Variants in DOCK8 observed in about 807,000 individuals in gnomAD.
DOCK8 encodes the protein dedicator of cytokinesis 8.
In DOCK8, 141 loss-of-function variants were observed where a neutral mutation model predicts 245.6. The ratio of observed to expected loss-of-function variants is 0.57; its 90% CI spans 0.50 to 0.66. The LOEUF (loss-of-function observed/expected upper bound fraction) is 0.66, where lower values mean the gene tolerates loss of function less well. Among genes scored for constraint, DOCK8 ranks in the 30% least tolerant of loss-of-function variants. The pLI is 0.00. For missense variants in DOCK8, 2,965 were observed against 2,603.4 expected (o/e 1.14, Z -3.02); for synonymous variants, 1,168 against 970.2 (o/e 1.20, Z -3.79).
intron 14 of DOCK8, among the ~76,000 whole-genome samples, chr9:358,089 C>T (rs1388329006): frequency 1.4e-4 from 21 of 151,926 alleles, no homozygotes; most frequent in Admixed American, 1.4e-3. Context: ...TATTTATTTA[C>T]TTACTTATTT....
At chr9:393,251 G>A (rs2054287555) in intron 24 of DOCK8, among the ~76,000 whole-genome samples, 2 of 152,080 alleles carry the variant, frequency 1.3e-5, no homozygotes, top group African/African-American at 4.8e-5. Flanking sequence ...TCTTTCCAAA[G>A]GAAGTTTGCA....
chr9:344,137 C>T (rs916009246), intron 14 of DOCK8, among the ~76,000 whole-genome samples: 1 of 152,112 alleles, frequency 6.6e-6, no homozygotes, highest in African/African-American at 2.4e-5. Flanking sequence ...GTTAGAAATG[C>T]CAAGGCCACC....
At chr9:324,955 T>C (rs1191148765) in intron 7 of DOCK8, among the ~76,000 whole-genome samples, 3 of 152,216 alleles carry the variant, frequency 2.0e-5, no homozygotes, top group African/African-American at 7.2e-5. Flanking sequence ...GTATGTAGTT[T>C]TTTTATCCCT....
At chr9:357,536 G>T (rs138492673) in intron 14 of DOCK8, among the ~76,000 whole-genome samples, 1,693 of 151,948 alleles carry the variant, frequency 0.011, 38 homozygotes, top group African/African-American at 0.04. Flanking sequence ...CAAAATCATA[G>T]AGAAAGAATA....
intron 5 of DOCK8, among the ~76,000 whole-genome samples, chr9:305,093 A>G (rs1396801593): frequency 1.3e-5 from 2 of 152,140 alleles, no homozygotes; most frequent in Non-Finnish European, 2.9e-5. Flanking sequence ...CTAACTCTCT[A>G]ACTTCAAGCA....
chr9:250,016 T>C (rs1323943258), intron 1 of DOCK8, among the ~76,000 whole-genome samples: 1 of 152,146 alleles, frequency 6.6e-6, no homozygotes, highest in Non-Finnish European at 1.5e-5. Context: ...CCCTATCCCT[T>C]ATTCTAGAAC....
chr9:252,869 G>A (rs1365203927), intron 1 of DOCK8, among the ~76,000 whole-genome samples: 1 of 151,768 alleles, frequency 6.6e-6, no homozygotes, highest in Non-Finnish European at 1.5e-5. Context: ...ACTTTTGTTG[G>A]TAGCCAACAT....
intron 4 of DOCK8, among the ~76,000 whole-genome samples, chr9:290,319 G>A (rs1390347868): frequency 1.3e-5 from 2 of 151,922 alleles, no homozygotes; most frequent in Non-Finnish European, 1.5e-5. Flanking sequence ...GTTAGTGTTA[G>A]TGTATTTGAT....
intron 1 of DOCK8, among the ~76,000 whole-genome samples, chr9:241,629 C>G (rs1160012031): frequency 6.6e-6 from 1 of 152,130 alleles, no homozygotes; most frequent in Non-Finnish European, 1.5e-5. Flanking sequence ...CATTTATTGT[C>G]AGACACGTAA....
At chr9:397,876 G>A (rs971034862) in intron 25 of DOCK8, among the ~76,000 whole-genome samples, 13 of 152,006 alleles carry the variant, frequency 8.6e-5, no homozygotes, top group African/African-American at 3.1e-4. Flanking sequence ...TTCGTTAAAG[G>A]GTATACAGTA....
chr9:307,482 C>T (rs560342144), intron 5 of DOCK8, among the ~76,000 whole-genome samples: 4 of 151,440 alleles, frequency 2.6e-5, no homozygotes, highest in East Asian at 3.9e-4. Context: ...CCTCAGCCTC[C>T]CGAGTAGCTG....
At chr9:440,031 T>C (rs1348978471) in intron 40 of DOCK8, among the ~76,000 whole-genome samples, 2 of 151,930 alleles carry the variant, frequency 1.3e-5, no homozygotes, top group Admixed American at 6.5e-5. Context: ...TTTCTTTTCT[T>C]TTTTTGAGAC....
intron 46 of DOCK8, chr9:460,243 C>A: frequency 6.6e-6 from 1 of 152,316 alleles, no homozygotes; most frequent in Non-Finnish European, 1.5e-5. Context: ...ACATTTAACT[C>A]AGTCAAGGGC....
At chr9:405,124 A>G (rs1379325754) in intron 27 of DOCK8, 51 bp downstream of exon 27, 1 of 1,537,290 alleles carries the variant, frequency 6.5e-7, no homozygotes. Context: ...ATTTCATTTA[A>G]CTAGCTCAGT....
chr9:277,544 G>A (rs896379202), intron 2 of DOCK8, among the ~76,000 whole-genome samples: 24 of 150,390 alleles, frequency 1.6e-4, no homozygotes, highest in East Asian at 1.9e-4. Flanking sequence ...CTGTCTCAGA[G>A]GAAAGGAGGG....
chr9:312,726 A>T, intron 6 of DOCK8: 2 of 337,292 alleles, frequency 5.9e-6, no homozygotes, highest in Non-Finnish European at 1.1e-5. Context: ...CAACAATAGG[A>T]TAATGTAGAC....
chr9:396,994 T>C (rs894371142), intron 25 of DOCK8, 60 bp downstream of exon 25: 1 of 1,520,568 alleles, frequency 6.6e-7, no homozygotes, highest in Admixed American at 1.7e-5. Context: ...ATTACTTTCA[T>C]AATCAGAGAA....
chr9:327,779 C>G (rs75614816), intron 8 of DOCK8, among the ~76,000 whole-genome samples: 2 of 152,106 alleles, frequency 1.3e-5, no homozygotes, highest in African/African-American at 4.8e-5. Context: ...CAGGAAATAC[C>G]GGTGGGTTAA....
intron 14 of DOCK8, among the ~76,000 whole-genome samples, chr9:367,457 A>G (rs1018747628): frequency 2.0e-5 from 3 of 152,148 alleles, no homozygotes; most frequent in African/African-American, 4.8e-5. Context: ...GTAGCCTAGT[A>G]CCTGTCCTAT....
Sources: allele counts gnomAD v4.1 joint callset (sites outside exome capture counted in the v4.1 genomes callset), GRCh38; gene constraint gnomAD v4.1.1; transcripts MANE v1.5; gene names NCBI Gene and HGNC (gene_info 2026-07-23, HGNC 2026-07-21).